ZC3H7A: variants seen among roughly 807,000 people sequenced by gnomAD.
The protein encoded by ZC3H7A is zinc finger CCCH domain-containing protein 7A.
Under a neutral mutation model 125.5 loss-of-function variants are expected in ZC3H7A, and 44 were observed. That is an observed-to-expected ratio of 0.35 (90% confidence interval 0.28 to 0.45). ZC3H7A has a LOEUF of 0.45. ZC3H7A is among the 20% of genes least tolerant of loss of function. ZC3H7A has a pLI of 1.00. For missense variants in ZC3H7A, 977 were observed against 1,170.7 expected, an observed-to-expected ratio of 0.83 and a Z score of 2.41; for synonymous variants, 399 against 391.2, an observed-to-expected ratio of 1.02 and a Z score of -0.23.
Position 11,752,666 on chromosome 16 carries a change from T to C in ZC3H7A, c.2726+3A>G, listed in dbSNP as rs770340058. 8.7e-6 allele frequency: 14 copies of C among 1,609,930 alleles called. No homozygotes were observed. Among genetic ancestry groups the C allele is most frequent in the East Asian group, 2.2e-5 (1 of 44,838 alleles). On this transcript the variant is annotated splice_donor_region_variant and intron_variant, in intron 22 of 22. Transcript: ENST00000355758. ...CATGGAAAAATTGTAGAAACCTACA[T>C]ACCTATCACAAATACTGAAATAGCC...
At chr16:11,756,184 A>G (rs2052644812) in intron 21 of ZC3H7A, 53 bp downstream of exon 21, 1 of 1,571,482 alleles carries the variant, frequency 6.4e-7, no homozygotes, top group Non-Finnish European at 8.6e-7. Context: ...AGGGAAAAGA[A>G]AGGCTCCATC....
chr16:11,788,921 T>C (rs2053304318), intron 1 of ZC3H7A, among the ~76,000 whole-genome samples: 1 of 152,052 alleles, frequency 6.6e-6, no homozygotes, highest in Non-Finnish European at 1.5e-5. Flanking sequence ...CTCACAAAGA[T>C]ATTCTATAGA....
At chr16:11,781,564 T>C in intron 2 of ZC3H7A, 100 bp from the exon 3 acceptor site, 3 of 1,208,994 alleles carry the variant, frequency 2.5e-6, no homozygotes, top group Non-Finnish European at 3.6e-6. Context: ...AGCTTGCCAC[T>C]GGTTCAAGGC....
At chr16:11,791,727 G>A (rs1026617083) in intron 1 of ZC3H7A, among the ~76,000 whole-genome samples, 1 of 152,148 alleles carries the variant, frequency 6.6e-6, no homozygotes, top group Non-Finnish European at 1.5e-5. Context: ...GGTTATAGTG[G>A]GGCTTGGCCC....
At chr16:11,790,024 C>T (rs1011771643) in intron 1 of ZC3H7A, among the ~76,000 whole-genome samples, 3 of 136,226 alleles carry the variant, frequency 2.2e-5, no homozygotes, top group Non-Finnish European at 3.0e-5. Context: ...CAGGCTGCAG[C>T]GAGCAAAGAT....
intron 21 of ZC3H7A, chr16:11,753,621 T>A (rs1597528326): frequency 6.6e-6 from 1 of 152,138 alleles, no homozygotes; most frequent in Admixed American, 6.5e-5. Context: ...GACTCCTTAT[T>A]ATGAAACACC....
intron 20 of ZC3H7A, among the ~76,000 whole-genome samples, chr16:11,757,473 G>A (rs1466815374): frequency 2.8e-5 from 3 of 108,212 alleles, no homozygotes; most frequent in African/African-American, 3.8e-5. Context: ...GACAAAGCGA[G>A]ACTCTGTCTC....
intron 10 of ZC3H7A, among the ~76,000 whole-genome samples, chr16:11,769,404 C>A (rs556707953): frequency 1.3e-5 from 2 of 152,140 alleles, no homozygotes; most frequent in East Asian, 3.9e-4. Context: ...GGGAAAAGAG[C>A]CTTTCCTTTT....
intron 1 of ZC3H7A, among the ~76,000 whole-genome samples, chr16:11,783,285 T>C (rs1438018257): frequency 1.3e-5 from 2 of 152,236 alleles, no homozygotes; most frequent in East Asian, 1.9e-4. Context: ...GATATTAAAA[T>C]GTTATCCTCA....
At chr16:11,773,495 A>C (rs1379996173) in intron 9 of ZC3H7A, among the ~76,000 whole-genome samples, 1 of 151,930 alleles carries the variant, frequency 6.6e-6, no homozygotes, top group Non-Finnish European at 1.5e-5. Context: ...CAAGCCATAC[A>C]AAAACAGGTA....
At chr16:11,776,620 A>C (rs1205878417) in intron 5 of ZC3H7A, 88 bp from the exon 6 acceptor site, 1 of 1,494,858 alleles carries the variant, frequency 6.7e-7, no homozygotes, top group Non-Finnish European at 9.0e-7. Flanking sequence ...TCCCATCAAG[A>C]CACCTGCTTC....
intron 1 of ZC3H7A, among the ~76,000 whole-genome samples, chr16:11,788,908 G>A (rs998732632): frequency 2.0e-5 from 3 of 152,014 alleles, no homozygotes; most frequent in African/African-American, 4.8e-5. Context: ...CACCACGCTC[G>A]GCCTCACAAA....
rs1483239898 is a variant in ZC3H7A, at chr16:11,751,398, G to T, written c.2835C>A (p.Asn945Lys). The T allele has an allele frequency of 6.2e-7, 1 of 1,614,122 alleles. No individual in the cohort carries two copies. The highest frequency in any genetic ancestry group is 8.5e-7 in the Non-Finnish European group (1 of 1,180,014). Reference protein sequence around the residue: ...ERRDALKMKLNKARKDHLIGP... With the variant: ...ERRDALKMKLKKARKDHLIGP... ...CAATTAAGTGATCTTTTCGTGCTTT[G>T]TTGAGCTTCATCTTTAGGGCATCTC... Residue 945 changes from asparagine to lysine, a missense_variant, in exon 23 of 23, where the codon AAC (asparagine) becomes AAA (lysine). This residue lies in a region of ZC3H7A where 436 missense variants were observed against 603.2 expected (regional missense o/e 0.72). Coordinates refer to ENST00000355758, the MANE Select transcript of ZC3H7A (RefSeq NM_014153.4).
chr16:11,770,967 T>C lies in ZC3H7A; in HGVS notation c.924A>G (p.Gly308=). 6.2e-7 allele frequency: 1 copy of C among 1,609,884 alleles called. No individual in the cohort carries two copies. Among genetic ancestry groups the C allele is most frequent in the Non-Finnish European group, 8.5e-7 (1 of 1,178,574 alleles). Residue 308 remains glycine, a synonymous_variant, in exon 10 of 23, where the codon GGA becomes GGG. Coordinates refer to ENST00000355758, the MANE Select transcript of ZC3H7A (RefSeq NM_014153.4). The part of the protein sequence containing the change: ...ETVMPSALVR[G]PLQTASVSPS... ...GAGAGACACTGGCTGTCTGAAGGGG[T>C]CCTCTGACTAAAGCTGACGGCTGCG...
chr16:11,773,336 G>T (rs2053020309), intron 9 of ZC3H7A, among the ~76,000 whole-genome samples: 1 of 152,006 alleles, frequency 6.6e-6, no homozygotes, highest in East Asian at 1.9e-4. Context: ...GCACCACTAT[G>T]CCAGGCTGTT....
chr16:11,779,042 C>A (rs1256724840), intron 4 of ZC3H7A, 124 bp downstream of exon 4: 2 of 847,898 alleles, frequency 2.4e-6, no homozygotes, highest in Non-Finnish European at 1.8e-6. Flanking sequence ...AAGCCTCAAG[C>A]CACTCCAAAA....
intron 21 of ZC3H7A, 59 bp downstream of exon 21, chr16:11,756,178 A>T: frequency 6.4e-7 from 1 of 1,562,598 alleles, no homozygotes; most frequent in East Asian, 2.3e-5. Context: ...AAGAAAAGGG[A>T]AAAGAAAGGC....
chr16:11,759,682 T>A (rs1045047817), intron 19 of ZC3H7A: 1 of 152,184 alleles, frequency 6.6e-6, no homozygotes, highest in Admixed American at 6.5e-5. Context: ...ACATAATTAT[T>A]CCCAATTACA....
intron 2 of ZC3H7A, 124 bp downstream of exon 2, chr16:11,782,163 A>C: frequency 9.9e-7 from 1 of 1,014,614 alleles, no homozygotes; most frequent in Non-Finnish European, 1.5e-6. Context: ...TAGAATATGG[A>C]GTTTCTAACC....
Sources: gnomAD v4.1 joint callset for allele counts (sites outside exome capture counted in the v4.1 genomes callset) on GRCh38, gnomAD v4.1.1 for gene constraint, gnomAD v4.1.1 regional missense constraint, MANE v1.5 for transcripts, NCBI Gene and HGNC (gene_info 2026-07-23, HGNC 2026-07-21) for gene names.